RASAL3: variants seen among roughly 807,000 people sequenced by gnomAD.
RASAL3 encodes the protein RAS protein activator like-3.
Under a neutral mutation model 105.5 loss-of-function variants are expected in RASAL3, and 74 were observed. That is an observed-to-expected ratio of 0.70 (90% confidence interval 0.58 to 0.85). The LOEUF (loss-of-function observed/expected upper bound fraction) is 0.85. RASAL3 is among the 40% of genes least tolerant of loss of function. RASAL3 has a pLI of 0.00. For missense variants in RASAL3, 1,352 were observed against 1,392.0 expected (o/e 0.97, Z 0.46); for synonymous variants, 579 against 591.6 (o/e 0.98, Z 0.31).
chr19:15,461,642 G>A, intron 2 of RASAL3, 35 bp from the exon 3 acceptor site: 1 of 1,478,730 alleles, frequency 6.8e-7, no homozygotes. Context: ...GGACTTAAGA[G>A]ACGTTTTCTC....
chr19:15,462,052 G>A (rs1271932566), intron 2 of RASAL3, among the ~76,000 whole-genome samples: 1 of 152,098 alleles, frequency 6.6e-6, no homozygotes, highest in African/African-American at 2.4e-5. Flanking sequence ...GGGTCCAAGA[G>A]GTTAAAAAAC....
At chr19:15,464,412 T>G (rs1175556819) in intron 1 of RASAL3, 35 bp from the exon 2 acceptor site, 11 of 1,534,600 alleles carry the variant, frequency 7.2e-6, no homozygotes, top group Non-Finnish European at 9.8e-6. Flanking sequence ...GTGCCCAGTG[T>G]CTGTCCACAT....
In RASAL3 at chr19:15,453,241, G is replaced by C; in HGVS notation, c.2536C>G (p.Pro846Ala). ...PRPKGSLSMGPAPRARPWTRD... is the reference protein window; with the variant it reads ...PRPKGSLSMGAAPRARPWTRD... ...GTCCAAGGCCGGGCGCGGGGCGCTG[G>C]TCCCATGCTCAGGGAGCCTTTGGGT... Residue 846 changes from proline to alanine, a missense_variant, in exon 15 of 18, where the codon CCA becomes GCA. Pro to Ala is a conservative substitution (Grantham distance 27). Transcript: ENST00000343625. The surrounding 1 kb of genome is among the most constrained non-coding windows in gnomAD (Gnocchi z 4.2). 3 of 1,592,156 alleles carry C rather than the reference G, an allele frequency of 1.9e-6. No homozygotes were observed. The highest frequency in any genetic ancestry group is 2.6e-6 in the Non-Finnish European group (3 of 1,171,114).
chr19:15,460,955 G>T, intron 5 of RASAL3, 105 bp downstream of exon 5: 1 of 1,038,036 alleles, frequency 9.6e-7, no homozygotes. Flanking sequence ...CCCAAAGAGG[G>T]TCAGCAACCT....
rs756989630 is a variant in RASAL3 at position 15,457,389 on chromosome 19, C to T, written c.1334G>A (p.Arg445His). 3.6e-5 allele frequency: 52 copies of T among 1,449,160 alleles called. No individual in the cohort carries two copies. In the Middle Eastern group the frequency reaches 1.1e-3, roughly 31 times the overall value. 89.8% of individuals were successfully genotyped at this position (1,449,160 alleles called of 1,614,324 possible). A position where few individuals can be genotyped will look rare whatever the true frequency, so the allele number is the denominator to read the frequency against. Residue 445 changes from arginine to histidine, a missense_variant, in exon 9 of 18, where the codon CGC becomes CAC. Arg to His is a conservative substitution (Grantham distance 29). This residue lies in a region of RASAL3 where 920 missense variants were observed against 919.6 expected (regional missense o/e 1.00). Coordinates refer to ENST00000343625, the MANE Select transcript of RASAL3 (RefSeq NM_022904.3). The surrounding 1 kb of genome is among the most constrained non-coding windows in gnomAD (Gnocchi z 8.6). Reference protein sequence around the residue: ...LAEFLTFHYARLCGALEPALP... With the variant: ...LAEFLTFHYAHLCGALEPALP... ...CGCGGGCTCCAGGGCCCCGCAGAGGCGCGCATAGTGGAAGGTGAGGAACTC... is the reference window on the plus strand; with the variant it reads ...CGCGGGCTCCAGGGCCCCGCAGAGGTGCGCATAGTGGAAGGTGAGGAACTC...
rs1970148792 is a variant in RASAL3 at position 15,451,625 on chromosome 19, T to C, written c.*170A>G. ...CTTAGTGGGCAAAGAAACCACCAATTTCACTGAAATCAAGATTTTACTGGG... is the reference window on the plus strand; with the variant it reads ...CTTAGTGGGCAAAGAAACCACCAATCTCACTGAAATCAAGATTTTACTGGG... On this transcript the variant is annotated 3_prime_UTR_variant, in exon 18 of 18. Transcript: ENST00000343625. 1 of 648,004 alleles carries C rather than the reference T, an allele frequency of 1.5e-6. No individual in the cohort carries two copies. The highest frequency in any genetic ancestry group is 2.5e-6 in the Non-Finnish European group (1 of 401,400). 40.1% of individuals were successfully genotyped at this position (648,004 alleles called of 1,614,324 possible).
Position 15,460,255 on chromosome 19 carries a change from A to G in RASAL3, c.610T>C (p.Leu204=). ...GPNQVHNVRG[L]LKRLKEKKKA... ...TTCTTCTCTTTCAGCCTCTTGAGCA[A>G]CCCCTGTGGGGAAGGGAATGTCAGC... The change falls in exon 6 of 18, where the codon TTG becomes CTG. Residue 204 remains leucine, a synonymous_variant. Coordinates refer to ENST00000343625, the MANE Select transcript of RASAL3 (RefSeq NM_022904.3). 1.2e-6 allele frequency: 2 copies of G among 1,607,202 alleles called. No homozygotes were observed. The highest frequency in any genetic ancestry group is 1.7e-5 in the Admixed American group (1 of 59,286).
Position 15,454,818 on chromosome 19 carries a change from C to T in RASAL3, c.1797G>A (p.Leu599=). ...GGGAGGCGCACACCAGTCGGGGGCC[C>T]AGCACCTCAGAGCCACGTTCTTTAC... is the stretch of plus-strand genomic sequence containing the variant. ...EACKERGSEV[L]GPRLVCASLF... Residue 599 remains leucine (L), a synonymous_variant, in exon 12 of 18, where the codon CTG becomes CTA. Coordinates refer to ENST00000343625, the MANE Select transcript of RASAL3 (RefSeq NM_022904.3). The T allele has an allele frequency of 6.3e-7, 1 of 1,590,208 alleles. No individual in the cohort carries two copies. Among genetic ancestry groups the T allele is most frequent in the Non-Finnish European group, 8.6e-7 (1 of 1,168,604 alleles).
chr19:15,451,809 C>A lies in RASAL3; in HGVS notation c.3022G>T (p.Gly1008Ter). ...PQPLKAPCLN[G>*]DTT ...GGATGGGCAGCTCAGGTGGTGTCTC[C>A]ATTGAGGCAGGGTGCTTTGAGGGGC... The change falls in exon 18 of 18, where the codon GGA becomes TGA. Residue 1008 changes from glycine to a stop codon, truncating the protein, a stop_gained. Coordinates refer to ENST00000343625, the MANE Select transcript of RASAL3 (RefSeq NM_022904.3). LOFTEE classifies it high-confidence loss of function. 6.3e-7 allele frequency: 1 copy of A among 1,598,478 alleles called. No homozygotes were observed. The highest frequency in any genetic ancestry group is 8.6e-7 in the Non-Finnish European group (1 of 1,168,706).
chr19:15,460,148 A>G (rs879336901), intron 6 of RASAL3, 55 bp downstream of exon 6: 252 of 1,427,140 alleles, frequency 1.8e-4, no homozygotes, highest in Non-Finnish European at 2.2e-4. Context: ...CAGGAGGTGG[A>G]GGAGGAGGGG....
chr19:15,456,977 T>C lies in RASAL3; in HGVS notation c.1431+315A>G. ...AGGCCCCGCCCCTCACAGCTGAAGC[T>C]CAGGCCCAGTCCTTCAAGGTGCCCC... On this transcript the variant is annotated intron_variant, in intron 9 of 17. Transcript: ENST00000343625. The surrounding 1 kb of genome is among the most constrained non-coding windows in gnomAD (Gnocchi z 4.4). 2.2e-6 allele frequency: 1 copy of C among 454,768 alleles called. No individual in the cohort carries two copies. Among genetic ancestry groups the C allele is most frequent in the Non-Finnish European group, 3.9e-6 (1 of 253,220 alleles). The allele number at this position is 454,768 out of a possible 1,614,324, so 28.2% of individuals were successfully genotyped here. A position where few individuals can be genotyped will look rare whatever the true frequency, so the allele number is the denominator to read the frequency against.
rs772826484 is a variant in RASAL3, at chr19:15,453,544, C to G, written c.2280-47G>C. On this transcript the variant is annotated intron_variant, in intron 14 of 17. Coordinates refer to ENST00000343625, the MANE Select transcript of RASAL3 (RefSeq NM_022904.3). This position sits in a 1 kb window ranked among gnomAD's most constrained non-coding sequence, Gnocchi z 4.2. The stretch of plus-strand genomic sequence containing the variant: ...TTAGACCCTCCACTGGCCCCTGAGA[C>G]GACCCCATCCCGACCTGACCAGAAG... 2.1e-6 allele frequency: 3 copies of G among 1,463,018 alleles called. No individual in the cohort carries two copies. The highest frequency in any genetic ancestry group is 1.8e-6 in the Non-Finnish European group (2 of 1,117,238). The allele number at this position is 1,463,018 out of a possible 1,614,324, so 90.6% of individuals were successfully genotyped here. A position where few individuals can be genotyped will look rare whatever the true frequency, so the allele number is the denominator to read the frequency against.
At chr19:15,462,849 G>T (rs987781862) in intron 2 of RASAL3, among the ~76,000 whole-genome samples, 1 of 151,634 alleles carries the variant, frequency 6.6e-6, no homozygotes, top group African/African-American at 2.4e-5. Context: ...TGCTCAGGAG[G>T]CTGAGGCAGG....
chr19:15,462,474 A>C (rs1970540111), intron 2 of RASAL3, among the ~76,000 whole-genome samples: 1 of 152,068 alleles, frequency 6.6e-6, no homozygotes, highest in Non-Finnish European at 1.5e-5. Context: ...CAAGGAAGTG[A>C]GACTGTGTCT....
At position 15,456,978 on chromosome 19, in the gene RASAL3, C is replaced by G; in HGVS notation, c.1431+314G>C. On this transcript the variant is annotated intron_variant, in intron 9 of 17. Coordinates refer to ENST00000343625, the MANE Select transcript of RASAL3 (RefSeq NM_022904.3). The surrounding 1 kb of genome is among the most constrained non-coding windows in gnomAD (Gnocchi z 4.4). ...GGCCCCGCCCCTCACAGCTGAAGCT[C>G]AGGCCCAGTCCTTCAAGGTGCCCCG... is the stretch of plus-strand genomic sequence containing the variant. 1 of 465,570 alleles carries G rather than the reference C, an allele frequency of 2.1e-6. No homozygotes were observed. Among genetic ancestry groups the G allele is most frequent in the East Asian group, 3.7e-5 (1 of 26,864 alleles). 28.8% of individuals were successfully genotyped at this position (465,570 alleles called of 1,614,324 possible).
At position 15,452,112 on chromosome 19, in the gene RASAL3, T is replaced by C; in HGVS notation, c.2829-4A>G. 1 of 1,613,632 alleles carries C rather than the reference T, an allele frequency of 6.2e-7. No individual in the cohort carries two copies. Among genetic ancestry groups the C allele is most frequent in the Non-Finnish European group, 8.5e-7 (1 of 1,179,782 alleles). On this transcript the variant is annotated splice_region_variant and splice_polypyrimidine_tract_variant and intron_variant, in intron 16 of 17. Coordinates refer to ENST00000343625, the MANE Select transcript of RASAL3 (RefSeq NM_022904.3). ...CTCTGAATCAAACTCTGAGCTCCTGTGGGGGTCGGGGGATTGGGGCGAAGG... is the reference window on the plus strand; with the variant it reads ...CTCTGAATCAAACTCTGAGCTCCTGCGGGGGTCGGGGGATTGGGGCGAAGG...
chr19:15,460,115 T>G, intron 6 of RASAL3, 88 bp downstream of exon 6: 1 of 1,102,736 alleles, frequency 9.1e-7, no homozygotes, highest in Non-Finnish European at 1.3e-6. Context: ...CAGGGGGTGT[T>G]TGGTGTAGAT....
Position 15,457,970 on chromosome 19 carries a change from G to A in RASAL3, c.889-136C>T. The A allele has an allele frequency of 1.9e-6, 2 of 1,044,776 alleles. No individual in the cohort carries two copies. Among genetic ancestry groups the A allele is most frequent in the Non-Finnish European group, 2.7e-6 (2 of 728,572 alleles). The allele number at this position is 1,044,776 out of a possible 1,614,324, so 64.7% of individuals were successfully genotyped here. ...GATTGCTGGGCCTTTGGGGAAAGAA[G>A]TGGAGCCACGGGAGTCCGGAGGCGG... is the stretch of plus-strand genomic sequence containing the variant. On this transcript the variant is annotated intron_variant, in intron 8 of 17. Transcript: ENST00000343625. The surrounding 1 kb of genome is among the most constrained non-coding windows in gnomAD (Gnocchi z 8.6).
rs57215706 is a variant in RASAL3 at position 15,451,724 on chromosome 19, A to G, written c.*71T>C. 8.5e-3 allele frequency: 12,962 copies of G among 1,520,882 alleles called. 912 individuals are homozygous for G. The African/African-American group carries it at 0.15, about 18-fold the overall frequency. The allele number at this position is 1,520,882 out of a possible 1,614,324, so 94.2% of individuals were successfully genotyped here. A position where few individuals can be genotyped will look rare whatever the true frequency, so the allele number is the denominator to read the frequency against. On this transcript the variant is annotated 3_prime_UTR_variant, in exon 18 of 18. Coordinates refer to ENST00000343625, the MANE Select transcript of RASAL3 (RefSeq NM_022904.3). The stretch of plus-strand genomic sequence containing the variant: ...TGTAGGCCAAGTAGGGCTAAGGCAA[A>G]GTCAGACACCCCCCCTAAGATGGCT...
Sources: allele counts gnomAD v4.1 joint callset (sites outside exome capture counted in the v4.1 genomes callset), GRCh38; gene constraint gnomAD v4.1.1; regional missense constraint gnomAD v4.1.1; non-coding constraint Gnocchi (gnomAD v3.1); transcripts MANE v1.5; gene names NCBI Gene and HGNC (gene_info 2026-07-23, HGNC 2026-07-21).